Variants in P2RY12 observed in about 807,000 individuals in gnomAD.
P2RY12 encodes the protein P2Y purinoceptor 12.
In P2RY12, 3 loss-of-function variants were observed where a neutral mutation model predicts 4.5. The ratio of observed to expected loss-of-function variants is 0.67; its 90% CI spans 0.31 to 1.74. The LOEUF (loss-of-function observed/expected upper bound fraction) is 1.74, where lower values mean the gene tolerates loss of function less well. P2RY12 is among the 40% of genes most tolerant of loss of function. P2RY12 has a pLI of 0.09. For missense variants in P2RY12, 356 were observed against 407.8 expected (o/e 0.87, Z 1.09); for synonymous variants, 148 against 154.1 (o/e 0.96, Z 0.29).
chr3:151,369,294 G>A, intron 1 of P2RY12: 1 of 506,864 alleles, frequency 2.0e-6, no homozygotes, highest in East Asian at 3.0e-5. Flanking sequence ...GTTTCTTAGT[G>A]AATCCATGAA....
chr3:151,361,130 C>T (rs1174650813), intron 1 of P2RY12, among the ~76,000 whole-genome samples: 1 of 151,996 alleles, frequency 6.6e-6, no homozygotes, highest in Non-Finnish European at 1.5e-5. Flanking sequence ...CTTTAATATC[C>T]TTTGGGCATT....
intron 1 of P2RY12, among the ~76,000 whole-genome samples, chr3:151,380,755 A>G (rs1306356650): frequency 6.6e-6 from 1 of 152,230 alleles, no homozygotes; most frequent in Non-Finnish European, 1.5e-5. Context: ...TACTGCCTAT[A>G]AAAGTAAAAT....
intron 1 of P2RY12, chr3:151,367,852 T>G: frequency 1.4e-6 from 2 of 1,428,144 alleles, no homozygotes; most frequent in Non-Finnish European, 1.9e-6. Context: ...GGGAAAGGAG[T>G]ATTTGAGGGT....
intron 1 of P2RY12, among the ~76,000 whole-genome samples, chr3:151,368,638 TCA>T (rs1199662375): frequency 3.5e-3 from 194 of 55,646 alleles, no homozygotes; most frequent in African/African-American, 0.012. Flanking sequence ...TTATTTCATT[TCA>T]TTTCATTTCA....
intron 1 of P2RY12, chr3:151,350,105 A>G (rs1370884694): frequency 6.2e-7 from 1 of 1,613,550 alleles, no homozygotes; most frequent in Non-Finnish European, 8.5e-7. Flanking sequence ...ATCCTTCTCT[A>G]TGGAGTCGGC....
At chr3:151,347,935 A>G (rs776999608) in intron 1 of P2RY12, among the ~76,000 whole-genome samples, 5 of 152,150 alleles carry the variant, frequency 3.3e-5, no homozygotes, top group Admixed American at 2.6e-4. Context: ...AGCTTGGGCT[A>G]TTATCAGTAA....
At chr3:151,357,373 A>G in intron 1 of P2RY12, 1 of 1,606,426 alleles carries the variant, frequency 6.2e-7, no homozygotes, top group Non-Finnish European at 8.5e-7. Context: ...CAGGTGTTTG[A>G]AGGGTTGGTA....
At chr3:151,360,921 A>G (rs755585153) in intron 1 of P2RY12, among the ~76,000 whole-genome samples, 5 of 152,126 alleles carry the variant, frequency 3.3e-5, no homozygotes, top group South Asian at 2.1e-4. Flanking sequence ...TATGTTGTAC[A>G]GACAGTGCAT....
chr3:151,383,833 G>A, intron 1 of P2RY12: 4 of 1,614,038 alleles, frequency 2.5e-6, no homozygotes, highest in Non-Finnish European at 3.4e-6. Flanking sequence ...TACAGACTGG[G>A]CCCTGCTACT....
intron 1 of P2RY12, among the ~76,000 whole-genome samples, chr3:151,364,655 T>C (rs1351789583): frequency 2.6e-5 from 4 of 152,226 alleles, no homozygotes; most frequent in Non-Finnish European, 4.4e-5. Flanking sequence ...AAGACACAGT[T>C]GTTGGAAGCC....
chr3:151,360,598 C>T, intron 1 of P2RY12: 2 of 1,612,044 alleles, frequency 1.2e-6, no homozygotes, highest in African/African-American at 1.3e-5. Context: ...ATTTGGAGAC[C>T]TCTTCAGGTG....
At chr3:151,376,977 A>C (rs752493417) in intron 1 of P2RY12, 1 of 1,612,788 alleles carries the variant, frequency 6.2e-7, no homozygotes, top group South Asian at 1.1e-5. Flanking sequence ...CAGTATTCTT[A>C]TATCTAACTC....
rs1477300468 is a variant in P2RY12 at position 151,354,847 on chromosome 3, A to T, written c.-179-14087T>A. ...ATACTATATGATTTCCTTTATATAT[A>T]AAGTTCCAGTGTAGGCAATAGCAAT... On this transcript the variant is annotated intron_variant, in intron 1 of 2. Coordinates refer to ENST00000302632, the MANE Select transcript of P2RY12 (RefSeq NM_022788.5). Among the ~76,000 whole-genome samples, 3 of 152,226 alleles carry T rather than the reference A, an allele frequency of 2.0e-5. No individual in the cohort carries two copies. In the East Asian group the frequency reaches 5.8e-4, roughly 29 times the overall value.
At chr3:151,348,801 A>C (rs571722935) in intron 1 of P2RY12, among the ~76,000 whole-genome samples, 2 of 152,368 alleles carry the variant, frequency 1.3e-5, no homozygotes, top group East Asian at 3.9e-4. Context: ...ACAGGCGCTT[A>C]GTTTAACGCT....
At chr3:151,344,973 G>A (rs773665166) in intron 1 of P2RY12, among the ~76,000 whole-genome samples, 1 of 152,168 alleles carries the variant, frequency 6.6e-6, no homozygotes, top group Non-Finnish European at 1.5e-5. Flanking sequence ...AATTAGAGCA[G>A]ACCTCAATTC....
chr3:151,359,581 T>G (rs1164303784), intron 1 of P2RY12, among the ~76,000 whole-genome samples: 2 of 152,184 alleles, frequency 1.3e-5, no homozygotes, highest in African/African-American at 4.8e-5. Flanking sequence ...AAACCTAAGC[T>G]GTTGTCTTGC....
At chr3:151,377,145 G>T in intron 1 of P2RY12, 3 of 1,613,620 alleles carry the variant, frequency 1.9e-6, no homozygotes, top group African/African-American at 1.3e-5. Context: ...GATACAAGTA[G>T]CACGAGACAG....
chr3:151,383,606 A>C (rs1712792588), intron 1 of P2RY12, among the ~76,000 whole-genome samples: 1 of 152,226 alleles, frequency 6.6e-6, no homozygotes, highest in Non-Finnish European at 1.5e-5. Flanking sequence ...GTGCTGAAAG[A>C]ACTAAAAATA....
intron 1 of P2RY12, among the ~76,000 whole-genome samples, chr3:151,349,219 G>A (rs17204437): frequency 0.11 from 16,784 of 152,048 alleles, 1,221 homozygotes; most frequent in Middle Eastern, 0.17. Flanking sequence ...ATATGCTTTC[G>A]TTATGCTGTG....
Sources: allele counts gnomAD v4.1 joint callset (sites outside exome capture counted in the v4.1 genomes callset), GRCh38; gene constraint gnomAD v4.1.1; transcripts MANE v1.5; gene names NCBI Gene and HGNC (gene_info 2026-07-23, HGNC 2026-07-21).